Variants in KCP observed in about 807,000 individuals in gnomAD.
The protein encoded by KCP is kielin cysteine rich BMP regulator.
KCP carries 194 observed loss-of-function variants against 212.7 expected under a neutral mutation model. The ratio of observed to expected loss-of-function variants is 0.91; its 90% CI spans 0.81 to 1.03. The LOEUF (loss-of-function observed/expected upper bound fraction) is 1.03, where lower values mean the gene tolerates loss of function less well. Ranked by LOEUF, KCP falls within the 50% of genes least tolerant of loss-of-function variation. KCP has a pLI of 0.00. For synonymous variants in KCP, 833 were observed against 865.3 expected (o/e 0.96, Z 0.65); for missense variants, 2,080 against 2,162.5 (o/e 0.96, Z 0.76).
At chr7:128,910,552 G>A (rs1233886303) in intron 1 of KCP, 49 bp downstream of exon 1, 6 of 1,470,682 alleles carry the variant, frequency 4.1e-6, no homozygotes, top group Non-Finnish European at 5.4e-6. Flanking sequence ...CTGATAGGAG[G>A]GAGGGGGCGC....
At position 128,908,153 on chromosome 7, in the gene KCP, G is replaced by A. The variant is rs527545312; in HGVS notation, c.219+273C>T. Among the ~76,000 whole-genome samples, 22 of 122,534 alleles carry A rather than the reference G, an allele frequency of 1.8e-4. No individual in the cohort carries two copies. The East Asian group carries it at 4.9e-3, about 27-fold the overall frequency. 80.4% of individuals were successfully genotyped at this position (122,534 alleles called of 152,430 possible). On this transcript the variant is annotated intron_variant, in intron 2 of 39. Coordinates refer to ENST00000610776, the MANE Select transcript of KCP (RefSeq NM_001366122.1). The stretch of plus-strand genomic sequence containing the variant: ...CAAAAAAAAAAAAAAGAAAGAGAGA[G>A]AGAGAAAGAGAGAAGAAGGATGGAA...
At position 128,891,010 on chromosome 7, in the gene KCP, G is replaced by T; in HGVS notation, c.2059C>A (p.Arg687Ser). 7.4e-7 allele frequency: 1 copy of T among 1,345,280 alleles called. No individual in the cohort carries two copies. The highest frequency in any genetic ancestry group is 9.5e-7 in the Non-Finnish European group (1 of 1,054,070). 83.3% of individuals were successfully genotyped at this position (1,345,280 alleles called of 1,614,324 possible). The change falls in exon 20 of 40, where the codon CGC becomes AGC. Residue 687 changes from arginine to serine, a missense_variant. Transcript: ENST00000610776. The part of the protein sequence containing the change: ...EYFSPPGDPC[R>S]RCLCLDGSVS... ...GAGCCGTCGAGGCAGAGGCAGCGGC[G>T]GCAGGGATCGCCGGGCGGGGAGAAG...
chr7:128,884,894 CA>C (rs778340663), intron 27 of KCP, 31 bp from the exon 28 acceptor site: 3 of 1,546,972 alleles, frequency 1.9e-6, no homozygotes, highest in South Asian at 1.2e-5. Context: ...AGAACGGGAC[CA>C]GGGGTCCTTC....
chr7:128,877,134 G>A lies in KCP; in HGVS notation c.4796C>T (p.Pro1599Leu), dbSNP rs1008384302. ...GLVEHEAHCI[P>L]PEACPQVLLT... is the part of the protein sequence containing the mutation. ...CAGGACTTGGGGGCAGGCCTCGGGT[G>A]GGATGCAGTGGGCCTCATGCTCCAC... The change falls in exon 40 of 40, where the codon CCA becomes CTA. Residue 1599 changes from proline (P) to leucine (L), a missense_variant. Pro to Leu is a moderately conservative substitution (Grantham distance 98). Transcript: ENST00000610776. 8.6e-6 allele frequency: 13 copies of A among 1,508,148 alleles called. No homozygotes were observed. In the East Asian group the frequency reaches 9.9e-5, roughly 11 times the overall value. The allele number at this position is 1,508,148 out of a possible 1,614,324, so 93.4% of individuals were successfully genotyped here.
At chr7:128,904,014 AG>A in intron 6 of KCP, 41 bp downstream of exon 6, 3 of 1,510,092 alleles carry the variant, frequency 2.0e-6, no homozygotes, top group Non-Finnish European at 2.7e-6. Flanking sequence ...GCAGGTGTCC[AG>A]GGAGGTGCAG....
At chr7:128,890,605 G>T (rs1585218985) in intron 20 of KCP, 92 bp from the exon 21 acceptor site, 11 of 1,078,630 alleles carry the variant, frequency 1.0e-5, no homozygotes, top group African/African-American at 9.6e-5. Context: ...GAGGACGGGT[G>T]TCGTGGGGGC....
chr7:128,906,453 T>C, intron 4 of KCP, 90 bp from the exon 5 acceptor site: 1 of 916,678 alleles, frequency 1.1e-6, no homozygotes, highest in African/African-American at 1.6e-5. Context: ...GGCTGGGACA[T>C]GTCATAGGGG....
At position 128,906,324 on chromosome 7, in the gene KCP, C is replaced by T; in HGVS notation, c.526G>A (p.Gly176Arg). ...CATGCTCCTGGCTCAGGGCAGGGTC[C>T]TCTTGGGCATGGCTTCTGGTTGCAA... The part of the protein sequence containing the change: ...ITCNQKPCPR[G>R]PCPEPGACCP... Residue 176 changes from glycine (G) to arginine (R), a missense_variant, in exon 5 of 40, where the codon GGA becomes AGA. By Grantham distance (125) the Gly-to-Arg change is moderately radical (BLOSUM62 -2). Transcript: ENST00000610776. 6.4e-7 allele frequency: 1 copy of T among 1,550,664 alleles called. No homozygotes were observed. The highest frequency in any genetic ancestry group is 1.4e-5 in the African/African-American group (1 of 73,136).
chr7:128,879,140 A>AG, intron 37 of KCP: 1 of 345,474 alleles, frequency 2.9e-6, no homozygotes. Context: ...TGCTGGGGGC[A>AG]GGGGGCAAAT....
chr7:128,901,686 T>C (rs1037470090), intron 8 of KCP, among the ~76,000 whole-genome samples: 5 of 152,150 alleles, frequency 3.3e-5, no homozygotes, highest in Non-Finnish European at 7.4e-5. Flanking sequence ...CTGAATTCTT[T>C]CTTGCGCGAG....
chr7:128,884,925 G>A lies in KCP; in HGVS notation c.3041-62C>T, dbSNP rs914710637. 6 of 1,511,896 alleles carry A rather than the reference G, an allele frequency of 4.0e-6. No homozygotes were observed. In the African/African-American group the frequency reaches 4.2e-5, roughly 10 times the overall value. 93.7% of individuals were successfully genotyped at this position (1,511,896 alleles called of 1,614,324 possible). ...TCCTTCAGGCTGGCAGCGAGGCAGG[G>A]GTGGAGTCCTCTATCTCCAGCCTCC... is the stretch of plus-strand genomic sequence containing the variant. On this transcript the variant is annotated intron_variant, in intron 27 of 39. Transcript: ENST00000610776.
rs1793254553 is a variant in KCP at position 128,880,374 on chromosome 7, T to G, written c.3759+12A>C. On this transcript the variant is annotated intron_variant, in intron 34 of 39. Transcript: ENST00000610776. ...CCTGACCCTCCCCACCATTTTAGAT[T>G]GCGGCACTCACGGGGCCACACGAGA... The G allele has an allele frequency of 6.6e-7, 1 of 1,511,692 alleles. No individual in the cohort carries two copies. The highest frequency in any genetic ancestry group is 2.1e-5 in the Admixed American group (1 of 48,022). 93.6% of individuals were successfully genotyped at this position (1,511,692 alleles called of 1,614,324 possible).
rs544297925 is a variant in KCP, at chr7:128,885,133, G to A, written c.3004C>T (p.Arg1002Cys). The change falls in exon 27 of 40, where the codon CGC (arginine) becomes TGC (cysteine). Residue 1002 changes from arginine to cysteine, a missense_variant. Transcript: ENST00000610776. ...IQCISSCAQP[R>C]QGPHDCCPQC... ...GGACAGCAGTCATGGGGCCCTTGGC[G>A]GGGCTGGGCGCAAGAGCTGATGCAC... 224 of 1,550,860 alleles carry A rather than the reference G, an allele frequency of 1.4e-4. No homozygotes were observed. The African/African-American group carries it at 2.7e-3, about 19-fold the overall frequency.
intron 8 of KCP, among the ~76,000 whole-genome samples, chr7:128,898,651 T>A (rs1304782079): frequency 6.6e-6 from 1 of 152,224 alleles, no homozygotes; most frequent in Non-Finnish European, 1.5e-5. Flanking sequence ...GTGCTTTTGG[T>A]AAAAGATTAT....
chr7:128,907,980 T>C (rs1795208790), intron 2 of KCP, among the ~76,000 whole-genome samples: 1 of 151,534 alleles, frequency 6.6e-6, no homozygotes. Context: ...AATACAAAAA[T>C]TAGCCGGGTA....
chr7:128,901,395 G>C (rs913544862), intron 8 of KCP, among the ~76,000 whole-genome samples: 1 of 152,196 alleles, frequency 6.6e-6, no homozygotes, highest in Non-Finnish European at 1.5e-5. Context: ...GGGAGGCAGA[G>C]GGGGGCGGAT....
rs1174190381 is a variant in KCP, at chr7:128,910,694, C to T, written c.-18G>A. The T allele has an allele frequency of 1.4e-5, 21 of 1,479,872 alleles. No individual in the cohort carries two copies. In the East Asian group the frequency reaches 4.7e-4, roughly 33 times the overall value. 91.7% of individuals were successfully genotyped at this position (1,479,872 alleles called of 1,614,324 possible). ...CCGGCCATGCTAGCTCCGCCTCGCT[C>T]GGCTCGCCGTCTGTCGTCGCGGCTC... On this transcript the variant is annotated 5_prime_UTR_variant, in exon 1 of 40. Coordinates refer to ENST00000610776, the MANE Select transcript of KCP (RefSeq NM_001366122.1).
chr7:128,881,873 C>T, intron 30 of KCP, 64 bp downstream of exon 30: 1 of 1,486,898 alleles, frequency 6.7e-7, no homozygotes, highest in Admixed American at 2.1e-5. Flanking sequence ...AGAGGAGTGG[C>T]AGCCACAGCC....
intron 7 of KCP, chr7:128,903,225 T>C: frequency 3.3e-6 from 1 of 305,118 alleles, no homozygotes; most frequent in South Asian, 5.3e-5. Context: ...GCTCACTGCC[T>C]TCCTCAGCCC....
Sources: gnomAD v4.1 joint callset for allele counts (sites outside exome capture counted in the v4.1 genomes callset) on GRCh38, gnomAD v4.1.1 for gene constraint, MANE v1.5 for transcripts, NCBI Gene and HGNC (gene_info 2026-07-23, HGNC 2026-07-21) for gene names.